Variants in ZFYVE9 observed in about 807,000 individuals in gnomAD.
ZFYVE9 encodes the protein zinc finger FYVE-type containing 9.
ZFYVE9 carries 43 observed loss-of-function variants against 126.7 expected under a neutral mutation model. The ratio of observed to expected loss-of-function variants is 0.34; its 90% CI spans 0.27 to 0.44. The LOEUF (loss-of-function observed/expected upper bound fraction) is 0.44. Ranked by LOEUF, ZFYVE9 falls within the 20% of genes least tolerant of loss-of-function variation. ZFYVE9 has a pLI of 1.00. For missense variants in ZFYVE9, 1,476 were observed against 1,697.0 expected (o/e 0.87, Z 2.29); for synonymous variants, 521 against 597.4 (o/e 0.87, Z 1.87).
In ZFYVE9 at chr1:52,337,376, G is replaced by A. The variant is rs148369889; in HGVS notation, c.3671-396G>A. Among the ~76,000 whole-genome samples, 444 of 152,234 alleles carry A rather than the reference G, an allele frequency of 2.9e-3. 3 individuals carry two copies. The highest frequency in any genetic ancestry group is 2.6e-3 in the Non-Finnish European group (177 of 68,028). ...TGATTTATTTAGCAAACATTTATTG[G>A]GCATTCACTGTATGCCAGGCAGTCA... is the stretch of plus-strand genomic sequence containing the variant. On this transcript the variant is annotated intron_variant, in intron 15 of 18. Coordinates refer to ENST00000287727, the MANE Select transcript of ZFYVE9 (RefSeq NM_004799.4).
Position 52,201,778 on chromosome 1 carries a change from A to G in ZFYVE9, c.-142-14591A>G, listed in dbSNP as rs146153650. On this transcript the variant is annotated intron_variant, in intron 1 of 18. Transcript: ENST00000287727. ...CAATTTTTAAAAAAAAAATTATTTT[A>G]TGTATTTATTTATTTATTTTTTTGA... 9.5e-3 allele frequency among the ~76,000 whole-genome samples: 1,432 copies of G among 151,530 alleles called. 49 individuals are homozygous for G. The highest frequency in any genetic ancestry group is 0.033 in the African/African-American group (1,361 of 41,086).
intron 2 of ZFYVE9, among the ~76,000 whole-genome samples, chr1:52,226,666 A>C (rs901933488): frequency 6.6e-6 from 1 of 152,236 alleles, no homozygotes; most frequent in South Asian, 2.1e-4. Context: ...ACACGTGCCC[A>C]GGGTTCTCAG....
chr1:52,318,280 T>C (rs1646204691), intron 13 of ZFYVE9, among the ~76,000 whole-genome samples: 1 of 151,940 alleles, frequency 6.6e-6, no homozygotes, highest in African/African-American at 2.4e-5. Context: ...ACAGGATCCT[T>C]TAACAGGATG....
intron 1 of ZFYVE9, among the ~76,000 whole-genome samples, chr1:52,167,910 G>T (rs1016926104): frequency 2.0e-5 from 3 of 152,120 alleles, no homozygotes; most frequent in African/African-American, 7.2e-5. Context: ...CTTTGTTTCT[G>T]TAGCTTTTTG....
In ZFYVE9 at chr1:52,216,435, C is replaced by A. The variant is rs534736527; in HGVS notation, c.-76C>A. On this transcript the variant is annotated 5_prime_UTR_variant, in exon 2 of 19. Coordinates refer to ENST00000287727, the MANE Select transcript of ZFYVE9 (RefSeq NM_004799.4). ...TGCAGCAGACATCATGAGTAAGCAC[C>A]GAGAAGTCTGTTCCTTATCACGTGT... 2.0e-5 allele frequency: 8 copies of A among 398,192 alleles called. No individual in the cohort carries two copies. The highest frequency in any genetic ancestry group is 1.4e-4 in the African/African-American group (7 of 48,524). The allele number at this position is 398,192 out of a possible 1,614,324, so 24.7% of individuals were successfully genotyped here. A position where few individuals can be genotyped will look rare whatever the true frequency, so the allele number is the denominator to read the frequency against.
chr1:52,337,681 A>T, intron 15 of ZFYVE9, 91 bp from the exon 16 acceptor site: 1 of 1,455,732 alleles, frequency 6.9e-7, no homozygotes, highest in African/African-American at 1.4e-5. Flanking sequence ...TGGAAAGCAG[A>T]GCTAAGGTTT....
chr1:52,240,382 C>G (rs1219633887), intron 4 of ZFYVE9, among the ~76,000 whole-genome samples: 2 of 151,998 alleles, frequency 1.3e-5, no homozygotes, highest in African/African-American at 4.8e-5. Context: ...TCTGTAAAAA[C>G]AAACCAAAAA....
chr1:52,344,731 G>T, intron 17 of ZFYVE9, 37 bp from the exon 18 acceptor site: 1 of 1,607,394 alleles, frequency 6.2e-7, no homozygotes, highest in Non-Finnish European at 8.5e-7. Flanking sequence ...CCAAAATCTA[G>T]GCACAAGTTT....
intron 10 of ZFYVE9, among the ~76,000 whole-genome samples, chr1:52,284,099 T>G (rs954942992): frequency 1.4e-5 from 2 of 141,362 alleles, no homozygotes; most frequent in Non-Finnish European, 3.3e-5. Flanking sequence ...TATGTTGGTC[T>G]TCTTCTATTC....
rs1159852399 is a variant in ZFYVE9, at chr1:52,292,469, C to CTTTTTTT, written c.3026-968_3026-962dup. Among the ~76,000 whole-genome samples, 19 of 101,992 alleles carry CTTTTTTT rather than the reference C, an allele frequency of 1.9e-4. 1 individual carries two copies. The East Asian group carries it at 2.0e-3, about 11-fold the overall frequency. 66.9% of individuals were successfully genotyped at this position (101,992 alleles called of 152,430 possible). A position where few individuals can be genotyped will look rare whatever the true frequency, so the allele number is the denominator to read the frequency against. On this transcript the variant is annotated intron_variant, in intron 10 of 18. Coordinates refer to ENST00000287727, the MANE Select transcript of ZFYVE9 (RefSeq NM_004799.4). ...CAGCAGCTTCCTAATCTGAACATTT[C>CTTTTTTT]TTTTTTTTTTTTTTTTTTTTTTGAG...
chr1:52,252,364 G>A (rs1007414831), intron 4 of ZFYVE9: 5 of 149,566 alleles, frequency 3.3e-5, no homozygotes, highest in African/African-American at 1.0e-4. Context: ...GTTTTGTTTT[G>A]TTTTGTTTTG....
chr1:52,175,700 G>A (rs899847789), intron 1 of ZFYVE9, among the ~76,000 whole-genome samples: 16 of 152,154 alleles, frequency 1.1e-4, no homozygotes, highest in African/African-American at 3.4e-4. Flanking sequence ...GGCTTTGTTC[G>A]TTTCTTTTTA....
At chr1:52,298,316 T>G (rs550732819) in intron 12 of ZFYVE9, among the ~76,000 whole-genome samples, 1 of 152,300 alleles carries the variant, frequency 6.6e-6, no homozygotes, top group South Asian at 2.1e-4. Flanking sequence ...TTTTAGTTGA[T>G]TTTTGTATAT....
rs1392756969 is a variant in ZFYVE9, at chr1:52,306,859, G to A, written c.3438+2934G>A. Among the ~76,000 whole-genome samples, 7 of 152,256 alleles carry A rather than the reference G, an allele frequency of 4.6e-5. No homozygotes were observed. In the East Asian group the frequency reaches 1.3e-3, roughly 29 times the overall value. ...CCTGCCTCACTGCAGCAGCCAGCAT[G>A]CCTGACTGTGTGCAGTGGCCGGAAC... On this transcript the variant is annotated intron_variant, in intron 13 of 18. Coordinates refer to ENST00000287727, the MANE Select transcript of ZFYVE9 (RefSeq NM_004799.4).
chr1:52,316,012 A>G (rs1421275786), intron 13 of ZFYVE9, among the ~76,000 whole-genome samples: 1 of 151,704 alleles, frequency 6.6e-6, no homozygotes, highest in African/African-American at 2.4e-5. Context: ...CTAAAAATAC[A>G]AAATTAGCCA....
chr1:52,346,194 C>T lies in ZFYVE9; in HGVS notation c.4251C>T (p.Ile1417=). 1 of 1,604,728 alleles carries T rather than the reference C, an allele frequency of 6.2e-7. No individual in the cohort carries two copies. Among genetic ancestry groups the T allele is most frequent in the Non-Finnish European group, 8.5e-7 (1 of 1,175,208 alleles). Residue 1417 remains isoleucine, a synonymous_variant, in exon 19 of 19, where the codon ATC becomes ATT. Transcript: ENST00000287727. The part of the protein sequence containing the change: ...LSEGPVVMEL[I]FYILENIV ...AGGGCCCCGTTGTCATGGAACTCAT[C>T]TTTTATATTCTGGAAAACATCGTAT...
At chr1:52,150,783 A>T (rs556292633) in intron 1 of ZFYVE9, among the ~76,000 whole-genome samples, 1 of 152,072 alleles carries the variant, frequency 6.6e-6, no homozygotes, top group African/African-American at 2.4e-5. Context: ...AAAAAAAAAA[A>T]AAAGAAGAAA....
At position 52,272,558 on chromosome 1, in the gene ZFYVE9, T is replaced by G. The variant is rs551134837; in HGVS notation, c.2626-1906T>G. 4.6e-5 allele frequency among the ~76,000 whole-genome samples: 7 copies of G among 152,328 alleles called. No homozygotes were observed. In the South Asian group the frequency reaches 1.0e-3, roughly 23 times the overall value. The stretch of plus-strand genomic sequence containing the variant: ...CATCAAAAATTAATTTATTTCTGAG[T>G]AGTATTCCATTGTATGGATATGCCA... On this transcript the variant is annotated intron_variant, in intron 7 of 18. Transcript: ENST00000287727.
chr1:52,205,273 C>G (rs1343497677), intron 1 of ZFYVE9, among the ~76,000 whole-genome samples: 1 of 151,844 alleles, frequency 6.6e-6, no homozygotes, highest in Non-Finnish European at 1.5e-5. Flanking sequence ...TAGGGTTTTG[C>G]AAAGTGGCCC....
Sources: gnomAD v4.1 joint callset for allele counts (sites outside exome capture counted in the v4.1 genomes callset) on GRCh38, gnomAD v4.1.1 for gene constraint, MANE v1.5 for transcripts, NCBI Gene and HGNC (gene_info 2026-07-23, HGNC 2026-07-21) for gene names.